Variants in KCNQ5 observed in about 807,000 individuals in gnomAD.
KCNQ5 encodes potassium voltage-gated channel subfamily KQT member 5.
A neutral mutation model predicts 98.2 loss-of-function variants in KCNQ5; 30 were observed. The observed-to-expected ratio is 0.31, with a 90% CI of 0.23 to 0.41. The LOEUF (loss-of-function observed/expected upper bound fraction) is 0.41. Among genes scored for constraint, KCNQ5 ranks in the 10% least tolerant of loss-of-function variants. The probability of loss-of-function intolerance (pLI) is 1.00; values close to 1 mark genes in which losing one functional copy is unlikely to be tolerated. For missense variants in KCNQ5, 835 were observed against 1,182.5 expected (o/e 0.71, Z 4.31); for synonymous variants, 458 against 449.4 (o/e 1.02, Z -0.24).
At chr6:73,137,069 T>G (rs1262060494) in intron 10 of KCNQ5, among the ~76,000 whole-genome samples, 1 of 151,774 alleles carries the variant, frequency 6.6e-6, no homozygotes, top group East Asian at 1.9e-4. Flanking sequence ...ATTTGGAAAA[T>G]AATAGACTTG....
Position 72,655,018 on chromosome 6 carries a change from G to GTCGGTCTTTCTTTCCT in KCNQ5, c.398+32433_398+32434insGGTCTTTCTTTCCTTC, listed in dbSNP as rs1554683229. Among the ~76,000 whole-genome samples, 139 of 90,612 alleles carry GTCGGTCTTTCTTTCCT rather than the reference G, an allele frequency of 1.5e-3. 2 individuals carry two copies. The highest frequency in any genetic ancestry group is 7.5e-3 in the East Asian group (18 of 2,412). The allele number at this position is 90,612 out of a possible 152,430, so 59.4% of individuals were successfully genotyped here. On this transcript the variant is annotated intron_variant, in intron 1 of 13. Transcript: ENST00000370398. ...TTTGTTTCCATGTTTAATAGCCAAG[G>GTCGGTCTTTCTTTCCT]TCTGTCTGTCTTTCTTTCTTTCTTT...
At chr6:72,805,847 C>G (rs1367410332) in intron 1 of KCNQ5, among the ~76,000 whole-genome samples, 2 of 152,014 alleles carry the variant, frequency 1.3e-5, no homozygotes, top group Non-Finnish European at 2.9e-5. Context: ...TTTCCTTTAT[C>G]AGTGTTTTAT....
At chr6:72,729,302 T>A (rs1156806152) in intron 1 of KCNQ5, among the ~76,000 whole-genome samples, 3 of 151,680 alleles carry the variant, frequency 2.0e-5, no homozygotes, top group African/African-American at 7.3e-5. Flanking sequence ...GTTTAGGAGG[T>A]TTTGTTTTGT....
At position 72,665,014 on chromosome 6, in the gene KCNQ5, C is replaced by T. The variant is rs1037563023; in HGVS notation, c.398+42427C>T. ...GTTTACAAGTACAAATATATTTTTG[C>T]GTAAAAGCATTGTTTTTGAGAATAA... is the stretch of plus-strand genomic sequence containing the variant. On this transcript the variant is annotated intron_variant, in intron 1 of 13. Coordinates refer to ENST00000370398, the MANE Select transcript of KCNQ5 (RefSeq NM_019842.4). Among the ~76,000 whole-genome samples, 14 of 152,058 alleles carry T rather than the reference C, an allele frequency of 9.2e-5. 1 individual carries two copies. Among genetic ancestry groups the T allele is most frequent in the African/African-American group, 2.7e-4 (11 of 41,436 alleles).
At chr6:72,655,365 T>A (rs1766135871) in intron 1 of KCNQ5, among the ~76,000 whole-genome samples, 1 of 151,990 alleles carries the variant, frequency 6.6e-6, no homozygotes, top group South Asian at 2.1e-4. Flanking sequence ...AGTCTTCAAA[T>A]TAAGGAGACA....
At position 73,139,835 on chromosome 6, in the gene KCNQ5, C is replaced by T. The variant is rs528712052; in HGVS notation, c.1468+6194C>T. 2.6e-5 allele frequency among the ~76,000 whole-genome samples: 4 copies of T among 152,306 alleles called. No homozygotes were observed. In the South Asian group the frequency reaches 8.3e-4, roughly 32 times the overall value. ...TCCTCTCCACCTCCTCAGCAGCTTC[C>T]TGACACCTCGCTCCTCAAGCTGTTT... On this transcript the variant is annotated intron_variant, in intron 10 of 13. Transcript: ENST00000370398.
At chr6:73,192,041 G>C (rs1433190017) in intron 12 of KCNQ5, among the ~76,000 whole-genome samples, 1 of 152,286 alleles carries the variant, frequency 6.6e-6, no homozygotes, top group African/African-American at 2.4e-5. Flanking sequence ...TAATAAAACT[G>C]TCTACAGCTC....
In KCNQ5 at chr6:72,622,480, G is replaced by A. The variant is rs1565037284; in HGVS notation, c.291G>A (p.Thr97=). The stretch of plus-strand genomic sequence containing the variant: ...TGCTGGGGAAGCCGCTCTCTTACAC[G>A]AGTAGCCAGAGCTGCCGGCGCAACG... ...MSLLGKPLSY[T]SSQSCRRNVK... Residue 97 remains threonine, a synonymous_variant, in exon 1 of 14, where the codon ACG becomes ACA. Coordinates refer to ENST00000370398, the MANE Select transcript of KCNQ5 (RefSeq NM_019842.4). The surrounding 1 kb of genome is among the most constrained non-coding windows in gnomAD (Gnocchi z 6.0). 4 of 1,606,972 alleles carry A rather than the reference G, an allele frequency of 2.5e-6. No homozygotes were observed. The highest frequency in any genetic ancestry group is 1.3e-5 in the African/African-American group (1 of 74,306).
At position 73,007,754 on chromosome 6, in the gene KCNQ5, A is replaced by G. The variant is rs1582180635; in HGVS notation, c.489+3756A>G. Among the ~76,000 whole-genome samples, 4 of 152,180 alleles carry G rather than the reference A, an allele frequency of 2.6e-5. No individual in the cohort carries two copies. In the South Asian group the frequency reaches 8.3e-4, roughly 31 times the overall value. ...AATATCAGAAATCTGACCTCGGATC[A>G]CTAATTGCTGCTTCTGATCACAGAG... On this transcript the variant is annotated intron_variant, in intron 2 of 13. Coordinates refer to ENST00000370398, the MANE Select transcript of KCNQ5 (RefSeq NM_019842.4).
At chr6:72,783,204 G>A (rs2154477944) in intron 1 of KCNQ5, among the ~76,000 whole-genome samples, 1 of 152,130 alleles carries the variant, frequency 6.6e-6, no homozygotes, top group African/African-American at 2.4e-5. Flanking sequence ...TGGTGGAGGG[G>A]GTTATGTAAG....
chr6:72,801,730 T>C (rs1295010620), intron 1 of KCNQ5, among the ~76,000 whole-genome samples: 1 of 152,106 alleles, frequency 6.6e-6, no homozygotes, highest in Admixed American at 6.5e-5. Flanking sequence ...CTCGATGGTC[T>C]TTACAATTTG....
intron 1 of KCNQ5, among the ~76,000 whole-genome samples, chr6:72,920,218 C>T (rs962642706): frequency 6.6e-6 from 1 of 151,806 alleles, no homozygotes; most frequent in Non-Finnish European, 1.5e-5. Context: ...CACTTGAACC[C>T]GGGAGGCAGA....
chr6:72,929,748 A>ATTCTCATT (rs2150227639), intron 1 of KCNQ5, among the ~76,000 whole-genome samples: 1 of 152,258 alleles, frequency 6.6e-6, no homozygotes, highest in African/African-American at 2.4e-5. Flanking sequence ...AACATGAAAA[A>ATTCTCATT]TGCTCATTTT....
intron 1 of KCNQ5, among the ~76,000 whole-genome samples, chr6:72,883,307 G>A (rs1393727165): frequency 6.7e-6 from 1 of 150,268 alleles, no homozygotes; most frequent in African/African-American, 2.4e-5. Context: ...AAAGAACAAT[G>A]TTGTTGTTGT....
At chr6:72,753,936 G>T (rs1561961569) in intron 1 of KCNQ5, among the ~76,000 whole-genome samples, 1 of 151,204 alleles carries the variant, frequency 6.6e-6, no homozygotes. Context: ...TAGATTCTTT[G>T]AGATTTTCTA....
chr6:72,915,700 G>GCA (rs149010625), intron 1 of KCNQ5, among the ~76,000 whole-genome samples: 61 of 151,354 alleles, frequency 4.0e-4, no homozygotes, highest in Non-Finnish European at 5.5e-4. Flanking sequence ...ACACAATCAC[G>GCA]CACACACACA....
chr6:72,868,153 T>C (rs922767144), intron 1 of KCNQ5, among the ~76,000 whole-genome samples: 1 of 151,976 alleles, frequency 6.6e-6, no homozygotes, highest in Non-Finnish European at 1.5e-5. Context: ...TGGGCTGAAA[T>C]TTTGCCATGC....
intron 1 of KCNQ5, among the ~76,000 whole-genome samples, chr6:72,897,176 G>A (rs1779286087): frequency 6.6e-6 from 1 of 152,120 alleles, no homozygotes. Context: ...TTGGGGCCCA[G>A]GATAATGGGG....
At chr6:73,152,761 C>T (rs548800500) in intron 10 of KCNQ5, among the ~76,000 whole-genome samples, 5 of 152,178 alleles carry the variant, frequency 3.3e-5, no homozygotes, top group African/African-American at 1.2e-4. Flanking sequence ...GAGTCAACCA[C>T]TTTTGGGGGA....
Sources: allele counts gnomAD v4.1 joint callset (sites outside exome capture counted in the v4.1 genomes callset), GRCh38; gene constraint gnomAD v4.1.1; non-coding constraint Gnocchi (gnomAD v3.1); transcripts MANE v1.5; gene names NCBI Gene and HGNC (gene_info 2026-07-23, HGNC 2026-07-21).